The following HPSE2 variants were observed in gnomAD, a reference collection of about 807,000 sequenced individuals.
HPSE2 encodes the protein heparanase 2 (inactive), also known as inactive heparanase-2.
HPSE2 carries 38 observed loss-of-function variants against 60.5 expected under a neutral mutation model. The observed-to-expected ratio is 0.63, with a 90% CI of 0.48 to 0.82. HPSE2 has a LOEUF of 0.82. Among genes scored for constraint, HPSE2 ranks in the 40% least tolerant of loss-of-function variants. The probability of loss-of-function intolerance (pLI) is 0.00; values close to 1 mark genes in which losing one functional copy is unlikely to be tolerated. For synonymous variants in HPSE2, 295 were observed against 293.2 expected, an observed-to-expected ratio of 1.01 and a Z score of -0.06; for missense variants, 713 against 740.4, an observed-to-expected ratio of 0.96 and a Z score of 0.43.
the HPSE2 span, among the ~76,000 whole-genome samples, chr10:99,299,903 T>A: frequency 1.3e-5 from 2 of 151,908 alleles, no homozygotes; most frequent in East Asian, 3.9e-4. Flanking sequence ...ATTGCGTTAC[T>A]TAGTCTGCCT....
intron 4 of HPSE2, among the ~76,000 whole-genome samples, chr10:98,722,459 CT>C: frequency 6.6e-6 from 1 of 152,020 alleles, no homozygotes; most frequent in East Asian, 1.9e-4. Context: ...TTCTGGCCTC[CT>C]AAAATATCAG....
intron 6 of HPSE2, among the ~76,000 whole-genome samples, chr10:98,644,887 T>C (rs1442203786): frequency 6.6e-6 from 1 of 152,200 alleles, no homozygotes; most frequent in Non-Finnish European, 1.5e-5. Flanking sequence ...TCTCAGGTAA[T>C]CTTGGGCTAT....
At chr10:98,892,501 C>T (rs1311908751) in intron 3 of HPSE2, among the ~76,000 whole-genome samples, 1 of 152,122 alleles carries the variant, frequency 6.6e-6, no homozygotes, top group East Asian at 1.9e-4. Context: ...AGAAATAAAT[C>T]CAGAAATGAA....
chr10:98,975,191 A>G (rs1956056687), intron 3 of HPSE2, among the ~76,000 whole-genome samples: 1 of 152,182 alleles, frequency 6.6e-6, no homozygotes, highest in East Asian at 1.9e-4. Context: ...AGAAACTGCA[A>G]CAGTTCCTGA....
the HPSE2 span, among the ~76,000 whole-genome samples, chr10:99,274,282 G>C: frequency 6.6e-6 from 1 of 152,174 alleles, no homozygotes; most frequent in African/African-American, 2.4e-5. Context: ...GGGAGACGGA[G>C]GTTGCAGTGA....
At chr10:99,180,659 T>C (rs748096154) in intron 2 of HPSE2, among the ~76,000 whole-genome samples, 2 of 151,090 alleles carry the variant, frequency 1.3e-5, no homozygotes, top group African/African-American at 2.4e-5. Flanking sequence ...CTGAGGTGGG[T>C]GGATTGCCTG....
chr10:99,046,739 A>G (rs1028412920), intron 3 of HPSE2, among the ~76,000 whole-genome samples: 1 of 152,174 alleles, frequency 6.6e-6, no homozygotes, highest in South Asian at 2.1e-4. Context: ...AGCCACAAAG[A>G]AAATGAAATA....
chr10:99,177,399 A>G (rs1372811027), intron 2 of HPSE2, among the ~76,000 whole-genome samples: 1 of 152,176 alleles, frequency 6.6e-6, no homozygotes, highest in Non-Finnish European at 1.5e-5. Flanking sequence ...AGACACACAC[A>G]GACTCAAAAT....
intron 3 of HPSE2, among the ~76,000 whole-genome samples, chr10:98,987,895 T>C (rs1350097837): frequency 6.6e-6 from 1 of 152,076 alleles, no homozygotes; most frequent in Non-Finnish European, 1.5e-5. Flanking sequence ...CCATTCACAA[T>C]TGCTTCAAAG....
intron 1 of HPSE2, among the ~76,000 whole-genome samples, chr10:99,233,948 C>T (rs1430545392): frequency 2.6e-5 from 4 of 152,134 alleles, no homozygotes; most frequent in African/African-American, 9.7e-5. Context: ...CTTCCAGACT[C>T]TTTTCTGAGG....
chr10:98,536,914 A>G (rs1943301185), intron 9 of HPSE2, among the ~76,000 whole-genome samples: 2 of 152,078 alleles, frequency 1.3e-5, no homozygotes, highest in Admixed American at 1.3e-4. Flanking sequence ...GGGGTTGGAG[A>G]TGTGGGTAAA....
chr10:98,605,548 G>A (rs1307386276), intron 9 of HPSE2, among the ~76,000 whole-genome samples: 5 of 152,198 alleles, frequency 3.3e-5, no homozygotes, highest in Non-Finnish European at 2.9e-5. Context: ...CTGATGACAG[G>A]TGACAGAGAG....
intron 4 of HPSE2, among the ~76,000 whole-genome samples, chr10:98,738,009 G>C (rs942536635): frequency 6.6e-6 from 1 of 152,080 alleles, no homozygotes; most frequent in African/African-American, 2.4e-5. Flanking sequence ...AAACAAAAAA[G>C]AGCCCATATA....
intron 3 of HPSE2, among the ~76,000 whole-genome samples, chr10:98,884,478 T>C (rs1445950681): frequency 6.6e-6 from 1 of 152,118 alleles, no homozygotes; most frequent in Non-Finnish European, 1.5e-5. Context: ...GATTCTCTCG[T>C]TAGGGGCTAA....
At chr10:99,244,568 ATTTTTTTTTT>A in the HPSE2 span, among the ~76,000 whole-genome samples, 1 of 73,718 alleles carries the variant, frequency 1.4e-5, no homozygotes, top group Non-Finnish European at 2.3e-5. Flanking sequence ...CTATGCCTGG[ATTTTTTTTTT>A]TTTTTTTTTT....
At chr10:99,153,105 C>G (rs879606786) in intron 2 of HPSE2, among the ~76,000 whole-genome samples, 33 of 152,218 alleles carry the variant, frequency 2.2e-4, no homozygotes, top group Admixed American at 5.2e-4. Flanking sequence ...GGTCCTACGC[C>G]CACGGAGTCT....
At chr10:98,632,027 G>T (rs1239113702) in intron 7 of HPSE2, among the ~76,000 whole-genome samples, 1 of 152,076 alleles carries the variant, frequency 6.6e-6, no homozygotes, top group Non-Finnish European at 1.5e-5. Context: ...ATCCTGGGTG[G>T]TTAGGAATAT....
At chr10:99,063,735 A>G (rs1589598033) in intron 3 of HPSE2, among the ~76,000 whole-genome samples, 3 of 152,334 alleles carry the variant, frequency 2.0e-5, no homozygotes, top group Non-Finnish European at 4.4e-5. Context: ...TTTGTTACAT[A>G]TGTTTATATA....
intron 4 of HPSE2, among the ~76,000 whole-genome samples, chr10:98,723,763 T>C (rs1006910033): frequency 1.3e-5 from 2 of 152,344 alleles, no homozygotes; most frequent in East Asian, 1.9e-4. Context: ...GAGGTGTTTA[T>C]AGTATTCTCT....
Sources: allele counts gnomAD v4.1 joint callset (sites outside exome capture counted in the v4.1 genomes callset), GRCh38; gene constraint gnomAD v4.1.1; transcripts MANE v1.5; gene names NCBI Gene and HGNC (gene_info 2026-07-23, HGNC 2026-07-21).